RBFOX3: variants seen among roughly 807,000 people sequenced by gnomAD.
The protein encoded by RBFOX3 is RNA binding fox-1 homolog 3, also known as RNA binding protein fox-1 homolog 3.
A neutral mutation model predicts 48.7 loss-of-function variants in RBFOX3; 17 were observed. The ratio of observed to expected loss-of-function variants is 0.35; its 90% CI spans 0.24 to 0.52. The LOEUF (loss-of-function observed/expected upper bound fraction) is 0.52, where lower values mean the gene tolerates loss of function less well. Among genes scored for constraint, RBFOX3 ranks in the 20% least tolerant of loss-of-function variants. RBFOX3 has a pLI of 0.94. For synonymous variants in RBFOX3, 212 were observed against 209.5 expected (o/e 1.01, Z -0.10); for missense variants, 382 against 497.5 (o/e 0.77, Z 2.21).
chr17:79,464,774 C>T (rs2076088969), intron 2 of RBFOX3, among the ~76,000 whole-genome samples: 1 of 152,226 alleles, frequency 6.6e-6, no homozygotes, highest in Admixed American at 6.5e-5. Flanking sequence ...CAGGGCCTTC[C>T]CTCCGCGGCC....
At chr17:79,125,055 C>A (rs1257851272) in intron 4 of RBFOX3, among the ~76,000 whole-genome samples, 1 of 152,186 alleles carries the variant, frequency 6.6e-6, no homozygotes, top group Non-Finnish European at 1.5e-5. Flanking sequence ...CTGGTGGTCC[C>A]TCCAACCCTG....
intron 1 of RBFOX3, among the ~76,000 whole-genome samples, chr17:79,591,956 T>C (rs979489847): frequency 1.7e-4 from 26 of 151,052 alleles, no homozygotes; most frequent in African/African-American, 6.1e-4. Context: ...GTGTGTGGCA[T>C]GTGTAAACGT....
chr17:79,559,592 T>G, intron 1 of RBFOX3, among the ~76,000 whole-genome samples: 3 of 121,214 alleles, frequency 2.5e-5, no homozygotes, highest in Admixed American at 8.9e-5. Flanking sequence ...GGGGGGTGGA[T>G]GGAGAGTGAT....
intron 1 of RBFOX3, among the ~76,000 whole-genome samples, chr17:79,584,096 G>C (rs1401801208): frequency 6.6e-6 from 1 of 152,140 alleles, no homozygotes; most frequent in African/African-American, 2.4e-5. Flanking sequence ...TGAACAGACA[G>C]TTCTCAAAAG....
the RBFOX3 span, among the ~76,000 whole-genome samples, chr17:79,621,156 G>A: frequency 3.5e-4 from 53 of 152,106 alleles, no homozygotes; most frequent in African/African-American, 1.2e-3. Context: ...GTGCCACCAC[G>A]CCCGGCTTAT....
chr17:79,199,385 G>C lies in RBFOX3; in HGVS notation c.-34+36381C>G, dbSNP rs1237771641. Among the ~76,000 whole-genome samples, 2 of 152,012 alleles carry C rather than the reference G, an allele frequency of 1.3e-5. No homozygotes were observed. Among genetic ancestry groups the C allele is most frequent in the Non-Finnish European group, 2.9e-5 (2 of 68,012 alleles). On this transcript the variant is annotated intron_variant, in intron 4 of 14. Coordinates refer to ENST00000693108, the MANE Select transcript of RBFOX3 (RefSeq NM_001350451.2). The surrounding 1 kb of genome is among the most constrained non-coding windows in gnomAD (Gnocchi z 5.1). ...GACTCAGAGGAGGGAGCATTCCCAGGAGCCTCCAACCCTCTGCCCACCGCC... is the reference window on the plus strand; with the variant it reads ...GACTCAGAGGAGGGAGCATTCCCAGCAGCCTCCAACCCTCTGCCCACCGCC...
chr17:79,129,168 G>A (rs998005960), intron 4 of RBFOX3, among the ~76,000 whole-genome samples: 8 of 152,164 alleles, frequency 5.3e-5, no homozygotes, highest in Non-Finnish European at 1.0e-4. Context: ...AGTGACGGAC[G>A]GTGGCTGAAG....
At chr17:79,469,627 C>T (rs1286953965) in intron 2 of RBFOX3, among the ~76,000 whole-genome samples, 1 of 152,184 alleles carries the variant, frequency 6.6e-6, no homozygotes, top group Non-Finnish European at 1.5e-5. Context: ...AGACCAGACT[C>T]CCTCCCTCCA....
At chr17:79,396,900 G>C (rs1368457293) in intron 2 of RBFOX3, among the ~76,000 whole-genome samples, 1 of 152,264 alleles carries the variant, frequency 6.6e-6, no homozygotes, top group African/African-American at 2.4e-5. Context: ...GTGAAGCCGG[G>C]CCAGGGTGGG....
At position 79,243,888 on chromosome 17, in the gene RBFOX3, G is replaced by A. The variant is rs1417288803; in HGVS notation, c.-73-8083C>T. ...AGACAGAGACCCCACTGAGGATGCA[G>A]AAATGGCCTGCGGTCCCAGAGGTAG... On this transcript the variant is annotated intron_variant, in intron 3 of 14. Transcript: ENST00000693108. This position sits in a 1 kb window ranked among gnomAD's most constrained non-coding sequence, Gnocchi z 7.9. Among the ~76,000 whole-genome samples, 1 of 152,146 alleles carries A rather than the reference G, an allele frequency of 6.6e-6. No individual in the cohort carries two copies. Among genetic ancestry groups the A allele is most frequent in the Non-Finnish European group, 1.5e-5 (1 of 68,018 alleles).
chr17:79,648,803 G>A, the RBFOX3 span, among the ~76,000 whole-genome samples: 1 of 152,060 alleles, frequency 6.6e-6, no homozygotes, highest in African/African-American at 2.4e-5. Context: ...TGGCCAGTGG[G>A]TTGCGGGCAG....
intron 3 of RBFOX3, among the ~76,000 whole-genome samples, chr17:79,304,017 C>T (rs575331647): frequency 8.5e-4 from 129 of 152,274 alleles, no homozygotes; most frequent in Admixed American, 2.7e-3. Context: ...GAAGTTAATG[C>T]CCCAGGGAGC....
chr17:79,379,849 C>G (rs1398622627), intron 2 of RBFOX3, among the ~76,000 whole-genome samples: 1 of 152,194 alleles, frequency 6.6e-6, no homozygotes, highest in Non-Finnish European at 1.5e-5. Flanking sequence ...TCCCCTCCCT[C>G]TAGTTACCCA....
the RBFOX3 span, among the ~76,000 whole-genome samples, chr17:79,660,014 C>A: frequency 2.0e-5 from 3 of 152,032 alleles, no homozygotes; most frequent in Non-Finnish European, 4.4e-5. Flanking sequence ...TGGTGAAACC[C>A]CATCTCTACT....
chr17:79,280,651 A>G (rs532601364), intron 3 of RBFOX3, among the ~76,000 whole-genome samples: 5 of 152,300 alleles, frequency 3.3e-5, no homozygotes, highest in Admixed American at 1.3e-4. Context: ...AATTTAGACG[A>G]AAGTCATTAT....
At position 79,236,764 on chromosome 17, in the gene RBFOX3, C is replaced by T. The variant is rs562232600; in HGVS notation, c.-73-959G>A. ...CCAGGGTATCCACTCCTGCCTAAGTCACAAAGCTAGCTCACTGGGGCCTGG... is the reference window on the plus strand; with the variant it reads ...CCAGGGTATCCACTCCTGCCTAAGTTACAAAGCTAGCTCACTGGGGCCTGG... On this transcript the variant is annotated intron_variant, in intron 3 of 14. Transcript: ENST00000693108. 2.4e-3 allele frequency among the ~76,000 whole-genome samples: 365 copies of T among 152,300 alleles called. 1 individual carries two copies. The highest frequency in any genetic ancestry group is 5.2e-3 in the Admixed American group (80 of 15,300).
Position 79,480,327 on chromosome 17 carries a change from C to T in RBFOX3, c.-175+2127G>A, listed in dbSNP as rs1018367828. Among the ~76,000 whole-genome samples the T allele has an allele frequency of 6.6e-5, 10 of 152,268 alleles. No homozygotes were observed. The East Asian group carries it at 1.9e-3, about 29-fold the overall frequency. On this transcript the variant is annotated intron_variant, in intron 2 of 14. Coordinates refer to ENST00000693108, the MANE Select transcript of RBFOX3 (RefSeq NM_001350451.2). This position sits in a 1 kb window ranked among gnomAD's most constrained non-coding sequence, Gnocchi z 4.8. ...GCCCAGATCCACCACTCCTCTCCTC[C>T]CGGGTCCATGGCAGAGCCAGTGCTC...
intron 1 of RBFOX3, among the ~76,000 whole-genome samples, chr17:79,564,199 C>G (rs1003771197): frequency 0.11 from 16,077 of 152,280 alleles, 1,732 homozygotes; most frequent in East Asian, 0.36. Context: ...CCATCAGGCT[C>G]TTTTTGCCAT....
the RBFOX3 span, among the ~76,000 whole-genome samples, chr17:79,640,546 A>T: frequency 6.7e-6 from 1 of 150,030 alleles, no homozygotes; most frequent in African/African-American, 2.4e-5. Flanking sequence ...ACACTTCTTG[A>T]TTTCAAATAT....
Sources: allele counts gnomAD v4.1 joint callset (sites outside exome capture counted in the v4.1 genomes callset), GRCh38; gene constraint gnomAD v4.1.1; non-coding constraint Gnocchi (gnomAD v3.1); transcripts MANE v1.5; gene names NCBI Gene and HGNC (gene_info 2026-07-23, HGNC 2026-07-21).